ZCWPW2: variants seen among roughly 807,000 people sequenced by gnomAD.
ZCWPW2 encodes the protein zinc finger CW-type and PWWP domain containing 2, also known as zinc finger CW-type PWWP domain protein 2.
A neutral mutation model predicts 46.6 loss-of-function variants in ZCWPW2; 45 were observed. That is an observed-to-expected ratio of 0.96 (90% CI 0.76 to 1.24). The LOEUF (loss-of-function observed/expected upper bound fraction) is 1.24, where lower values mean the gene tolerates loss of function less well. Ranked by LOEUF, ZCWPW2 falls within the 50% of genes most tolerant of loss-of-function variation. The pLI is 0.00. For synonymous variants in ZCWPW2, 152 were observed against 137.1 expected (o/e 1.11, Z -0.76); for missense variants, 429 against 403.9 (o/e 1.06, Z -0.53).
At chr3:28,438,186 G>T (rs1307917767) in intron 4 of ZCWPW2, among the ~76,000 whole-genome samples, 1 of 152,126 alleles carries the variant, frequency 6.6e-6, no homozygotes, top group Non-Finnish European at 1.5e-5. Flanking sequence ...TGCTGCTTAT[G>T]ATCACAAAGG....
At chr3:28,463,986 A>C (rs754570023) in intron 4 of ZCWPW2, among the ~76,000 whole-genome samples, 4 of 152,032 alleles carry the variant, frequency 2.6e-5, no homozygotes, top group Admixed American at 6.6e-5. Flanking sequence ...GGGAATGAAA[A>C]GAAATCAAAA....
At chr3:28,358,104 A>T (rs1704808919) in intron 1 of ZCWPW2, among the ~76,000 whole-genome samples, 1 of 151,890 alleles carries the variant, frequency 6.6e-6, no homozygotes, top group African/African-American at 2.4e-5. Flanking sequence ...AAATCTGTTC[A>T]CCTAGTTTTA....
intron 1 of ZCWPW2, among the ~76,000 whole-genome samples, chr3:28,377,104 T>C (rs1387581950): frequency 6.6e-6 from 1 of 152,068 alleles, no homozygotes; most frequent in Non-Finnish European, 1.5e-5. Flanking sequence ...GTGATTTCTT[T>C]AGAGACCTTT....
chr3:28,399,886 A>G (rs1183952919), intron 2 of ZCWPW2, among the ~76,000 whole-genome samples: 1 of 152,190 alleles, frequency 6.6e-6, no homozygotes, highest in Non-Finnish European at 1.5e-5. Context: ...AACACCCCCA[A>G]AAAATCACAC....
Position 28,521,059 on chromosome 3 carries a change from A to G in ZCWPW2, c.852A>G (p.Thr284=). The change falls in exon 9 of 10, where the codon ACA becomes ACG. Residue 284 remains threonine (T), a synonymous_variant. Coordinates refer to ENST00000383768, the MANE Select transcript of ZCWPW2 (RefSeq NM_001040432.4). ...EQMLQQALQP[T]ATPDESEEGH... is the part of the protein sequence containing the mutation. ...TGCTGCAGCAAGCACTGCAACCCAC[A>G]GCCACACCTGATGAATCAGAAGAAG... The G allele has an allele frequency of 1.2e-6, 2 of 1,611,654 alleles. No homozygotes were observed. The highest frequency in any genetic ancestry group is 1.7e-6 in the Non-Finnish European group (2 of 1,179,318).
At chr3:28,445,126 C>T (rs1475945244) in intron 4 of ZCWPW2, among the ~76,000 whole-genome samples, 1 of 151,222 alleles carries the variant, frequency 6.6e-6, no homozygotes, top group Non-Finnish European at 1.5e-5. Context: ...AGTCAGGGTT[C>T]TCTAGAGGGA....
At chr3:28,513,956 CG>C in intron 6 of ZCWPW2, 107 bp from the exon 7 acceptor site, 1 of 705,768 alleles carries the variant, frequency 1.4e-6, no homozygotes, top group Non-Finnish European at 2.0e-6. Flanking sequence ...GGTTATCAGC[CG>C]GGGTGTTTCT....
intron 9 of ZCWPW2, among the ~76,000 whole-genome samples, chr3:28,523,403 A>G (rs1234243132): frequency 6.6e-6 from 1 of 152,092 alleles, no homozygotes; most frequent in Non-Finnish European, 1.5e-5. Context: ...GATTTCATTT[A>G]TTTATTTATT....
rs115518946 is a variant in ZCWPW2 at position 28,476,249 on chromosome 3, C to T, written c.493-2565C>T. On this transcript the variant is annotated intron_variant, in intron 4 of 9. Coordinates refer to ENST00000383768, the MANE Select transcript of ZCWPW2 (RefSeq NM_001040432.4). ...GCACATTCTATATTGTGAGAATTTG[C>T]ACCTTATCCCTTCTTCAATTAAAAA... Among the ~76,000 whole-genome samples, 1,005 of 151,946 alleles carry T rather than the reference C, an allele frequency of 6.6e-3. 9 individuals carry two copies. The highest frequency in any genetic ancestry group is 0.02 in the African/African-American group (846 of 41,472).
At chr3:28,411,739 G>A (rs569056844) in intron 2 of ZCWPW2, among the ~76,000 whole-genome samples, 7 of 152,120 alleles carry the variant, frequency 4.6e-5, no homozygotes, top group African/African-American at 1.4e-4. Flanking sequence ...AATCCACATT[G>A]CGTTTTTGCC....
chr3:28,501,668 C>A (rs1008487627), intron 6 of ZCWPW2, among the ~76,000 whole-genome samples: 1 of 152,104 alleles, frequency 6.6e-6, no homozygotes, highest in Non-Finnish European at 1.5e-5. Flanking sequence ...AAAGAATTTT[C>A]CTTACCCAGA....
At chr3:28,513,919 T>C (rs1273251975) in intron 6 of ZCWPW2, 145 bp from the exon 7 acceptor site, 1 of 357,754 alleles carries the variant, frequency 2.8e-6, no homozygotes, top group East Asian at 8.3e-5. Context: ...TATGCAGTGG[T>C]TGACTAGACG....
chr3:28,413,860 C>A (rs569645027), intron 3 of ZCWPW2, among the ~76,000 whole-genome samples: 35 of 152,110 alleles, frequency 2.3e-4, no homozygotes, highest in African/African-American at 7.9e-4. Context: ...GCCCACCATA[C>A]CTTCTTGTGG....
chr3:28,487,490 G>A (rs1437766506), intron 5 of ZCWPW2, among the ~76,000 whole-genome samples: 3 of 151,888 alleles, frequency 2.0e-5, no homozygotes, highest in Non-Finnish European at 4.4e-5. Context: ...CTTTGCTTAC[G>A]TTACCTATCT....
intron 2 of ZCWPW2, among the ~76,000 whole-genome samples, chr3:28,406,978 T>C (rs572139129): frequency 2.6e-4 from 40 of 152,158 alleles, no homozygotes; most frequent in South Asian, 6.2e-4. Flanking sequence ...AGGTGTGCCC[T>C]ATAACACCCA....
chr3:28,379,499 TTGTC>T (rs1485614200), intron 1 of ZCWPW2, among the ~76,000 whole-genome samples: 3 of 152,204 alleles, frequency 2.0e-5, no homozygotes, highest in African/African-American at 7.2e-5. Flanking sequence ...AGTAGAAAGT[TTGTC>T]TGTGTGTTTT....
intron 3 of ZCWPW2, among the ~76,000 whole-genome samples, chr3:28,431,024 A>G (rs1271081086): frequency 1.3e-5 from 2 of 152,180 alleles, no homozygotes; most frequent in Admixed American, 1.3e-4. Context: ...TGAGTTGCAT[A>G]GATTTATTTT....
At chr3:28,407,687 G>C (rs1332168236) in intron 2 of ZCWPW2, among the ~76,000 whole-genome samples, 1 of 151,842 alleles carries the variant, frequency 6.6e-6, no homozygotes, top group Non-Finnish European at 1.5e-5. Flanking sequence ...GCCATTCTGT[G>C]TTTTCTATTT....
chr3:28,497,765 T>C (rs935583547), intron 6 of ZCWPW2, among the ~76,000 whole-genome samples: 1 of 152,006 alleles, frequency 6.6e-6, no homozygotes, highest in African/African-American at 2.4e-5. Flanking sequence ...ATTCCTGGGG[T>C]CAAGTATGAG....
Sources: allele counts gnomAD v4.1 joint callset (sites outside exome capture counted in the v4.1 genomes callset), GRCh38; gene constraint gnomAD v4.1.1; transcripts MANE v1.5; gene names NCBI Gene and HGNC (gene_info 2026-07-23, HGNC 2026-07-21).